Variants in TERT observed in about 807,000 individuals in gnomAD.
TERT encodes telomerase catalytic subunit.
TERT carries 42 observed loss-of-function variants against 104.0 expected under a neutral mutation model. The ratio of observed to expected loss-of-function variants is 0.40; its 90% CI spans 0.32 to 0.52. The LOEUF is 0.52. TERT is among the 20% of genes least tolerant of loss of function. TERT has a pLI of 0.43. For synonymous variants in TERT, 781 were observed against 725.6 expected (o/e 1.08, Z -1.23); for missense variants, 1,101 against 1,610.3 (o/e 0.68, Z 5.41).
rs954501737 is a variant in TERT at position 1,274,134 on chromosome 5, G to A, written c.2287-1854C>T. Among the ~76,000 whole-genome samples, 4 of 152,316 alleles carry A rather than the reference G, an allele frequency of 2.6e-5. No individual in the cohort carries two copies. The highest frequency in any genetic ancestry group is 4.4e-5 in the Non-Finnish European group (3 of 68,030). On this transcript the variant is annotated intron_variant, in intron 6 of 15. Coordinates refer to ENST00000310581, the MANE Select transcript of TERT (RefSeq NM_198253.3). This position sits in a 1 kb window ranked among gnomAD's most constrained non-coding sequence, Gnocchi z 5.3. ...TTGTGAGGCATCAAAAGACGCGCAC[G>A]GTGACTCTGTGCTTCAGCATGTTCC... is the stretch of plus-strand genomic sequence containing the variant.
At chr5:1,285,617 T>C (rs1270171078) in intron 2 of TERT, among the ~76,000 whole-genome samples, 2 of 133,120 alleles carry the variant, frequency 1.5e-5, no homozygotes, top group Non-Finnish European at 1.5e-5. Context: ...GTTGCCAGGC[T>C]GGAGTGCAGT....
Position 1,253,629 on chromosome 5 carries a change from G to C in TERT, c.*99C>G. On this transcript the variant is annotated 3_prime_UTR_variant, in exon 16 of 16. Transcript: ENST00000310581. ...TCAGGCCTCAGACTCCCAGCGGTGC[G>C]GGCCTGGGTGTGGGCCGCCCCTCCC... The C allele has an allele frequency of 3.0e-6, 3 of 999,666 alleles. No homozygotes were observed. The highest frequency in any genetic ancestry group is 4.6e-6 in the Non-Finnish European group (3 of 652,222). 61.9% of individuals were successfully genotyped at this position (999,666 alleles called of 1,614,324 possible). A position where few individuals can be genotyped will look rare whatever the true frequency, so the allele number is the denominator to read the frequency against.
rs1273390134 is a variant in TERT at position 1,269,407 on chromosome 5, C to T, written c.2469-774G>A. 6.6e-6 allele frequency among the ~76,000 whole-genome samples: 1 copy of T among 152,012 alleles called. No individual in the cohort carries two copies. The highest frequency in any genetic ancestry group is 2.1e-4 in the South Asian group (1 of 4,824). Reference sequence around the variant, plus strand: ...GGTGGATCACCTGAGGTCAGGAGTTCGAGACCAGCCTGGCCAACATGGCAA... The same window carrying T: ...GGTGGATCACCTGAGGTCAGGAGTTTGAGACCAGCCTGGCCAACATGGCAA... On this transcript the variant is annotated intron_variant, in intron 8 of 15. Transcript: ENST00000310581. The surrounding 1 kb of genome is among the most constrained non-coding windows in gnomAD (Gnocchi z 9.0).
Position 1,257,633 on chromosome 5 carries a change from G to A in TERT, c.3032+965C>T, listed in dbSNP as rs903159867. ...GCAAAGGCGGTAACATGCAGCTGTG[G>A]CTCTGCCCTCCCTGCCAGAGCATGA... On this transcript the variant is annotated intron_variant, in intron 13 of 15. Transcript: ENST00000310581. The surrounding 1 kb of genome is among the most constrained non-coding windows in gnomAD (Gnocchi z 5.6). 5.3e-5 allele frequency among the ~76,000 whole-genome samples: 8 copies of A among 152,206 alleles called. No homozygotes were observed. The highest frequency in any genetic ancestry group is 8.8e-5 in the Non-Finnish European group (6 of 68,034).
chr5:1,258,197 C>T (rs971711734), intron 13 of TERT, among the ~76,000 whole-genome samples: 4 of 152,244 alleles, frequency 2.6e-5, no homozygotes, highest in South Asian at 4.1e-4. Context: ...GCACCCACCT[C>T]GGCCCTCTTT....
At position 1,294,526 on chromosome 5, in the gene TERT, G is replaced by T; in HGVS notation, c.360C>A (p.Arg120=). The T allele has an allele frequency of 1.3e-6, 2 of 1,577,106 alleles. No individual in the cohort carries two copies. Among genetic ancestry groups the T allele is most frequent in the Non-Finnish European group, 1.7e-6 (2 of 1,169,454 alleles). The part of the protein sequence containing the change: ...GPPEAFTTSV[R]SYLPNTVTDA... The stretch of plus-strand genomic sequence containing the variant: ...CGGTCACCGTGTTGGGCAGGTAGCT[G>T]CGCACGCTGGTGGTGAAGGCCTCGG... The change falls in exon 2 of 16, where the codon CGC becomes CGA. Residue 120 remains arginine (R), a synonymous_variant. Coordinates refer to ENST00000310581, the MANE Select transcript of TERT (RefSeq NM_198253.3).
intron 3 of TERT, 86 bp from the exon 4 acceptor site, chr5:1,280,424 C>T (rs1749944982): frequency 6.9e-7 from 1 of 1,444,632 alleles, no homozygotes; most frequent in Non-Finnish European, 9.5e-7. Context: ...CCCCCACCGA[C>T]TCAGTGAGGG....
At chr5:1,280,488 C>A in intron 3 of TERT, 150 bp from the exon 4 acceptor site, 1 of 846,172 alleles carries the variant, frequency 1.2e-6, no homozygotes. Flanking sequence ...GCCACGTCCA[C>A]CCATGCCAGC....
rs1169197854 is a variant in TERT, at chr5:1,263,407, T to C, written c.2843+997A>G. ...ACTATGGTTTTGGAATGCTGATACT[T>C]TTTTTTTTTTTTTTAAGATGAAGTC... On this transcript the variant is annotated intron_variant, in intron 11 of 15. Transcript: ENST00000310581. The surrounding 1 kb of genome is among the most constrained non-coding windows in gnomAD (Gnocchi z 5.3). Among the ~76,000 whole-genome samples, 1 of 142,122 alleles carries C rather than the reference T, an allele frequency of 7.0e-6. No individual in the cohort carries two copies. The highest frequency in any genetic ancestry group is 1.6e-5 in the Non-Finnish European group (1 of 63,418). 93.2% of individuals were successfully genotyped at this position (142,122 alleles called of 152,430 possible). A position where few individuals can be genotyped will look rare whatever the true frequency, so the allele number is the denominator to read the frequency against.
At chr5:1,272,771 G>A (rs2853682) in intron 6 of TERT, among the ~76,000 whole-genome samples, 2 of 5,442 alleles carry the variant, frequency 3.7e-4, no homozygotes, top group African/African-American at 2.2e-3. Context: ...CCCCACGACC[G>A]CCATCCACAG....
Position 1,256,510 on chromosome 5 carries a change from C to T in TERT, c.3033-1099G>A, listed in dbSNP as rs1747746217. Among the ~76,000 whole-genome samples the T allele has an allele frequency of 6.7e-6, 1 of 149,874 alleles. No homozygotes were observed. The highest frequency in any genetic ancestry group is 1.5e-5 in the Non-Finnish European group (1 of 67,490). On this transcript the variant is annotated intron_variant, in intron 13 of 15. Transcript: ENST00000310581. The surrounding 1 kb of genome is among the most constrained non-coding windows in gnomAD (Gnocchi z 7.0). ...CCCAGTGCCTGAGCCCCCCATGTAC[C>T]TGGCCTCACCCACTGCCTGAGCCCC...
intron 2 of TERT, chr5:1,282,955 A>C: frequency 8.8e-5 from 30 of 340,670 alleles, no homozygotes; most frequent in Non-Finnish European, 1.1e-4. Flanking sequence ...CAGACAACAC[A>C]CATACAGCCC....
At chr5:1,284,349 C>T (rs1263233597) in intron 2 of TERT, among the ~76,000 whole-genome samples, 4 of 111,876 alleles carry the variant, frequency 3.6e-5, no homozygotes, top group Admixed American at 9.6e-5. Flanking sequence ...CTGCATCATC[C>T]GGACTCCATA....
intron 7 of TERT, 40 bp downstream of exon 7, chr5:1,272,145 C>CT: frequency 6.6e-7 from 1 of 1,515,434 alleles, no homozygotes; most frequent in South Asian, 1.2e-5. Flanking sequence ...GGACCCACTG[C>CT]TGGGAGTCCG....
At chr5:1,254,596 G>C (rs1373586873) in intron 14 of TERT, 91 bp from the exon 15 acceptor site, 2 of 1,475,286 alleles carry the variant, frequency 1.4e-6, no homozygotes, top group African/African-American at 1.4e-5. Flanking sequence ...GACGGTCTGC[G>C]GGGTGGCTCC....
chr5:1,255,438 G>A lies in TERT; in HGVS notation c.3033-27C>T. 1.2e-6 allele frequency: 2 copies of A among 1,613,916 alleles called. No homozygotes were observed. Among genetic ancestry groups the A allele is most frequent in the South Asian group, 1.1e-5 (1 of 91,066 alleles). ...TGAGAGGATGGCGGACAGCGTCAGA[G>A]GAAAGGCCTCCTAATCAGACGGTGC... is the stretch of plus-strand genomic sequence containing the variant. On this transcript the variant is annotated intron_variant, in intron 13 of 15. Transcript: ENST00000310581. The surrounding 1 kb of genome is among the most constrained non-coding windows in gnomAD (Gnocchi z 6.9).
intron 6 of TERT, among the ~76,000 whole-genome samples, chr5:1,275,875 T>C (rs1199301826): frequency 1.6e-4 from 17 of 105,720 alleles, no homozygotes; most frequent in Admixed American, 5.0e-4. Flanking sequence ...TGAAAACCAA[T>C]CCCACAGATC....
At position 1,282,549 on chromosome 5, in the gene TERT, C is replaced by T; in HGVS notation, c.1649G>A (p.Ser550Asn). 1 of 1,614,156 alleles carries T rather than the reference C, an allele frequency of 6.2e-7. No individual in the cohort carries two copies. Among genetic ancestry groups the T allele is most frequent in the South Asian group, 1.1e-5 (1 of 91,084 alleles). The stretch of plus-strand genomic sequence containing the variant: ...CCTGAGCAGCTCGACGACGTACACA[C>T]TCATCAGCCAGTGCAGGAACTTGGC... ...ILAKFLHWLM[S>N]VYVVELLRSF... The change falls in exon 3 of 16, where the codon AGT (serine) becomes AAT (asparagine). Residue 550 changes from serine to asparagine, a missense_variant. Physicochemically the swap from Ser to Asn is conservative, Grantham distance 46. Coordinates refer to ENST00000310581, the MANE Select transcript of TERT (RefSeq NM_198253.3).
intron 6 of TERT, among the ~76,000 whole-genome samples, chr5:1,275,493 G>A (rs1223293445): frequency 6.6e-6 from 1 of 152,058 alleles, no homozygotes; most frequent in Non-Finnish European, 1.5e-5. Flanking sequence ...AAGGAGGCCT[G>A]GAAGCCCTGC....
Sources: gnomAD v4.1 joint callset for allele counts (sites outside exome capture counted in the v4.1 genomes callset) on GRCh38, gnomAD v4.1.1 for gene constraint, Gnocchi (gnomAD v3.1) non-coding constraint, MANE v1.5 for transcripts, NCBI Gene and HGNC (gene_info 2026-07-23, HGNC 2026-07-21) for gene names.